CNMD: variants seen among roughly 807,000 people sequenced by gnomAD.
CNMD encodes the protein leukocyte cell-derived chemotaxin 1.
CNMD carries 30 observed loss-of-function variants against 37.5 expected under a neutral mutation model. The observed-to-expected ratio is 0.80, with a 90% CI of 0.60 to 1.09. The LOEUF (loss-of-function observed/expected upper bound fraction) is 1.09. CNMD is among the 50% of genes least tolerant of loss of function. The pLI is 0.00. For missense variants in CNMD, 398 were observed against 423.9 expected, an observed-to-expected ratio of 0.94 and a Z score of 0.54; for synonymous variants, 167 against 148.2, an observed-to-expected ratio of 1.13 and a Z score of -0.92.
intron 4 of CNMD, among the ~76,000 whole-genome samples, chr13:52,723,190 C>T (rs1270619164): frequency 6.6e-6 from 1 of 152,186 alleles, no homozygotes. Flanking sequence ...CTCCTGGGCT[C>T]AAGTGATCCT....
intron 5 of CNMD, among the ~76,000 whole-genome samples, chr13:52,711,840 A>G (rs1964294015): frequency 9.4e-6 from 1 of 106,766 alleles, no homozygotes; most frequent in Non-Finnish European, 2.0e-5. Context: ...CTTGCAAAAA[A>G]TGAAACTGTA....
intron 3 of CNMD, among the ~76,000 whole-genome samples, chr13:52,724,439 A>AC (rs1185347254): frequency 2.0e-5 from 3 of 150,262 alleles, no homozygotes; most frequent in Admixed American, 2.0e-4. Flanking sequence ...AAAAAAAAAA[A>AC]AATTAGCCAG....
intron 5 of CNMD, among the ~76,000 whole-genome samples, chr13:52,711,889 C>A (rs1964294960): frequency 6.6e-6 from 1 of 152,102 alleles, no homozygotes; most frequent in Non-Finnish European, 1.5e-5. Context: ...TCCCTGTGTG[C>A]CCACCAAGCC....
At chr13:52,725,811 C>A (rs1191034753) in intron 3 of CNMD, among the ~76,000 whole-genome samples, 1 of 152,114 alleles carries the variant, frequency 6.6e-6, no homozygotes, top group East Asian at 1.9e-4. Context: ...GGGATCCTGG[C>A]TCAAGATTCA....
At chr13:52,719,333 G>T (rs1483243275) in intron 4 of CNMD, among the ~76,000 whole-genome samples, 1 of 152,118 alleles carries the variant, frequency 6.6e-6, no homozygotes, top group East Asian at 1.9e-4. Context: ...TACATTTAAG[G>T]TTAATATTGT....
intron 2 of CNMD, among the ~76,000 whole-genome samples, chr13:52,736,868 GT>G (rs1246158822): frequency 1.3e-5 from 2 of 152,054 alleles, no homozygotes; most frequent in African/African-American, 4.8e-5. Context: ...TCTCATATTG[GT>G]GGAAATTTCC....
At chr13:52,730,858 C>A (rs1004959892) in intron 3 of CNMD, among the ~76,000 whole-genome samples, 1 of 151,822 alleles carries the variant, frequency 6.6e-6, no homozygotes, top group Non-Finnish European at 1.5e-5. Context: ...TATCCTCCGT[C>A]GGGGGTTGTT....
At position 52,737,042 on chromosome 13, in the gene CNMD, G is replaced by A. The variant is rs529775742; in HGVS notation, c.213+1989C>T. On this transcript the variant is annotated intron_variant, in intron 2 of 6. Coordinates refer to ENST00000377962, the MANE Select transcript of CNMD (RefSeq NM_007015.3). ...CTAAGGGGATTTACCCACATGAAAA[G>A]GATAGGAGGTGAATTACAGCTGGTT... Among the ~76,000 whole-genome samples the A allele has an allele frequency of 1.7e-4, 26 of 152,314 alleles. No homozygotes were observed. The South Asian group carries it at 5.0e-3, about 29-fold the overall frequency.
intron 6 of CNMD, among the ~76,000 whole-genome samples, chr13:52,704,454 T>C (rs886158770): frequency 4.3e-4 from 1 of 2,342 alleles, no homozygotes; most frequent in Non-Finnish European, 1.6e-3. Flanking sequence ...TCTAGTTTTT[T>C]ATGTAAATAT....
At position 52,739,580 on chromosome 13, in the gene CNMD, G is replaced by C. The variant is rs1238882633; in HGVS notation, c.72+50C>G. 6.6e-7 allele frequency: 1 copy of C among 1,516,926 alleles called. No homozygotes were observed. Among genetic ancestry groups the C allele is most frequent in the Admixed American group, 1.7e-5 (1 of 59,796 alleles). 94.0% of individuals were successfully genotyped at this position (1,516,926 alleles called of 1,614,324 possible). A position where few individuals can be genotyped will look rare whatever the true frequency, so the allele number is the denominator to read the frequency against. On this transcript the variant is annotated intron_variant, in intron 1 of 6. Transcript: ENST00000377962. This position sits in a 1 kb window ranked among gnomAD's most constrained non-coding sequence, Gnocchi z 5.4. Reference sequence around the variant, plus strand: ...CCCCTGAGTCCGAACTGTGGAACCTGATACTCACACAACCCAGGCCCTGCG... The same window carrying C: ...CCCCTGAGTCCGAACTGTGGAACCTCATACTCACACAACCCAGGCCCTGCG...
chr13:52,727,460 G>C (rs989027653), intron 3 of CNMD, among the ~76,000 whole-genome samples: 1 of 152,078 alleles, frequency 6.6e-6, no homozygotes, highest in Non-Finnish European at 1.5e-5. Context: ...CCAGGAGTTC[G>C]CAACCAGCCT....
chr13:52,719,008 C>G (rs768710337), intron 4 of CNMD, among the ~76,000 whole-genome samples: 1 of 152,112 alleles, frequency 6.6e-6, no homozygotes, highest in African/African-American at 2.4e-5. Context: ...AATCTGGGTG[C>G]TCCTATATTG....
intron 5 of CNMD, among the ~76,000 whole-genome samples, chr13:52,712,362 A>T (rs1050317213): frequency 1.3e-5 from 2 of 152,112 alleles, no homozygotes; most frequent in Non-Finnish European, 2.9e-5. Flanking sequence ...TAGTCCCTTG[A>T]TTCTATGCCT....
At chr13:52,736,939 G>A (rs571712423) in intron 2 of CNMD, among the ~76,000 whole-genome samples, 21 of 152,182 alleles carry the variant, frequency 1.4e-4, no homozygotes, top group Middle Eastern at 3.4e-3. Flanking sequence ...CTCAATATTG[G>A]AGCCCAGTTC....
At chr13:52,722,816 C>T (rs1369513571) in intron 4 of CNMD, among the ~76,000 whole-genome samples, 3 of 152,196 alleles carry the variant, frequency 2.0e-5, no homozygotes, top group Non-Finnish European at 4.4e-5. Context: ...TTTAAAAACT[C>T]ACAGGTTTGA....
chr13:52,722,977 G>A lies in CNMD; in HGVS notation c.468+1020C>T, dbSNP rs1484851669. The stretch of plus-strand genomic sequence containing the variant: ...GTGATGCTGGCTGGTGTTGGGGTGG[G>A]GGATGAGTGCCCTGTGGCTGCTTTC... On this transcript the variant is annotated intron_variant, in intron 4 of 6. Coordinates refer to ENST00000377962, the MANE Select transcript of CNMD (RefSeq NM_007015.3). Among the ~76,000 whole-genome samples the A allele has an allele frequency of 2.0e-5, 3 of 152,202 alleles. No individual in the cohort carries two copies. The East Asian group carries it at 5.8e-4, about 29-fold the overall frequency.
chr13:52,739,249 G>A lies in CNMD; in HGVS notation c.73-78C>T. ...GGCCCCCAGCGCACCCGGGCCCCAC[G>A]CGGTAGCCCCCAGGGAGTGGGGAGT... On this transcript the variant is annotated intron_variant, in intron 1 of 6. Coordinates refer to ENST00000377962, the MANE Select transcript of CNMD (RefSeq NM_007015.3). The surrounding 1 kb of genome is among the most constrained non-coding windows in gnomAD (Gnocchi z 5.4). 4.3e-6 allele frequency: 6 copies of A among 1,392,002 alleles called. No individual in the cohort carries two copies. The highest frequency in any genetic ancestry group is 5.6e-6 in the Non-Finnish European group (6 of 1,072,646). 86.2% of individuals were successfully genotyped at this position (1,392,002 alleles called of 1,614,324 possible). A position where few individuals can be genotyped will look rare whatever the true frequency, so the allele number is the denominator to read the frequency against.
chr13:52,706,827 G>A (rs891233382), intron 6 of CNMD, among the ~76,000 whole-genome samples: 9 of 152,112 alleles, frequency 5.9e-5, no homozygotes, highest in Non-Finnish European at 1.2e-4. Flanking sequence ...GGTGTCTGGA[G>A]TGGAAGGGAA....
At chr13:52,735,889 G>A (rs887483805) in intron 2 of CNMD, among the ~76,000 whole-genome samples, 1 of 150,326 alleles carries the variant, frequency 6.7e-6, no homozygotes, top group African/African-American at 2.5e-5. Context: ...GGGTGCAGTG[G>A]CACAATCTCG....
Sources: gnomAD v4.1 joint callset for allele counts (sites outside exome capture counted in the v4.1 genomes callset) on GRCh38, gnomAD v4.1.1 for gene constraint, Gnocchi (gnomAD v3.1) non-coding constraint, MANE v1.5 for transcripts, NCBI Gene and HGNC (gene_info 2026-07-23, HGNC 2026-07-21) for gene names.